Variants in CD207 observed in about 807,000 individuals in gnomAD.
The protein encoded by CD207 is C-type lectin domain family 4 member K.
In CD207, 28 loss-of-function variants were observed where a neutral mutation model predicts 31.6. The observed-to-expected ratio is 0.89, with a 90% CI of 0.66 to 1.21. CD207 has a LOEUF of 1.21. CD207 is among the 50% of genes most tolerant of loss of function. The probability of loss-of-function intolerance (pLI) is 0.00; values close to 1 mark genes in which losing one functional copy is unlikely to be tolerated. For missense variants in CD207, 388 were observed against 397.8 expected (o/e 0.98, Z 0.21); for synonymous variants, 168 against 153.9 (o/e 1.09, Z -0.68).
intron 2 of CD207, among the ~76,000 whole-genome samples, 176 bp from the exon 3 acceptor site, chr2:70,834,196 A>T (rs1312534261): frequency 6.6e-6 from 1 of 152,180 alleles, no homozygotes; most frequent in Non-Finnish European, 1.5e-5. Context: ...CAAACGTGCA[A>T]TGGGCACCTA....
intron 2 of CD207, 53 bp from the exon 3 acceptor site, chr2:70,834,073 T>TG: frequency 6.9e-7 from 1 of 1,439,564 alleles, no homozygotes. Context: ...GGGACAGGAG[T>TG]GGGGGTGTTG....
downstream of CD207, among the ~76,000 whole-genome samples, chr2:70,829,032 G>C (rs551550096): frequency 6.6e-6 from 1 of 152,182 alleles, no homozygotes; most frequent in East Asian, 1.9e-4. Context: ...GCCACGTGAC[G>C]GCCCCTCCAG....
At chr2:70,829,476 G>T (rs1677417338), downstream of CD207, among the ~76,000 whole-genome samples, 2 of 152,182 alleles carry the variant, frequency 1.3e-5, no homozygotes, top group Non-Finnish European at 2.9e-5. Context: ...GATGTGATTG[G>T]CTTGTTTGAA....
Position 70,833,685 on chromosome 2 carries a change from C to T in CD207, c.526G>A (p.Gly176Ser). 1 of 1,613,830 alleles carries T rather than the reference C, an allele frequency of 6.2e-7. No homozygotes were observed. The highest frequency in any genetic ancestry group is 1.3e-5 in the African/African-American group (1 of 75,036). Reference sequence around the variant, plus strand: ...AACTTGCTCATATTCTCCAAGCTGCCCTGGAGTGCCCGGATCTTTGTATTT... The same window carrying T: ...AACTTGCTCATATTCTCCAAGCTGCTCTGGAGTGCCCGGATCTTTGTATTT... ...ALNTKIRALQ[G>S]SLENMSKLLK... Residue 176 changes from glycine (G) to serine (S), a missense_variant, in exon 3 of 6, where the codon GGC becomes AGC. Gly to Ser is a moderately conservative substitution (Grantham distance 56). Coordinates refer to ENST00000410009, the MANE Select transcript of CD207 (RefSeq NM_015717.5).
chr2:70,832,937 T>C lies in CD207; in HGVS notation c.680A>G (p.Asn227Ser), dbSNP rs782163497. The part of the protein sequence containing the change: ...YSAEQFCVSR[N>S]SHLTSVTSES... ...TGAGGTCACCGAGGTCAGGTGTGAATTCCTGGACACACAGAACTGCTCGGC... is the reference window on the plus strand; with the variant it reads ...TGAGGTCACCGAGGTCAGGTGTGAACTCCTGGACACACAGAACTGCTCGGC... The change falls in exon 4 of 6, where the codon AAT (asparagine) becomes AGT (serine). Residue 227 changes from asparagine to serine, a missense_variant. By Grantham distance (46) the Asn-to-Ser change is conservative. Coordinates refer to ENST00000410009, the MANE Select transcript of CD207 (RefSeq NM_015717.5). The C allele has an allele frequency of 1.2e-6, 2 of 1,613,976 alleles. No individual in the cohort carries two copies. The highest frequency in any genetic ancestry group is 1.7e-6 in the Non-Finnish European group (2 of 1,179,862).
chr2:70,832,837 C>G, intron 4 of CD207, 63 bp downstream of exon 4: 1 of 1,475,590 alleles, frequency 6.8e-7, no homozygotes, highest in Non-Finnish European at 9.2e-7. Context: ...TATAATCTTG[C>G]CCATCCTCCC....
intron 2 of CD207, among the ~76,000 whole-genome samples, chr2:70,834,799 A>G (rs561243767): frequency 6.6e-5 from 10 of 152,116 alleles, no homozygotes; most frequent in Non-Finnish European, 1.2e-4. Context: ...GAGAAAAAAA[A>G]ACCCAACAGC....
intron 2 of CD207, among the ~76,000 whole-genome samples, chr2:70,834,613 T>A (rs1347537518): frequency 6.6e-6 from 1 of 152,174 alleles, no homozygotes; most frequent in African/African-American, 2.4e-5. Flanking sequence ...CACTTTCACA[T>A]TCTGCTCAGG....
At chr2:70,835,199 A>G (rs868995971) in intron 2 of CD207, among the ~76,000 whole-genome samples, 20 of 152,222 alleles carry the variant, frequency 1.3e-4, no homozygotes, top group African/African-American at 4.1e-4. Flanking sequence ...AGAAAATAGC[A>G]CAGGATGTAA....
chr2:70,824,603 T>A, the CD207 span, among the ~76,000 whole-genome samples: 1 of 113,102 alleles, frequency 8.8e-6, no homozygotes, highest in African/African-American at 3.6e-5. Flanking sequence ...TACCAGAAAG[T>A]AAGGAGATGC....
At chr2:70,832,283 C>A (rs1214761742) in intron 4 of CD207, among the ~76,000 whole-genome samples, 1 of 152,120 alleles carries the variant, frequency 6.6e-6, no homozygotes, top group Non-Finnish European at 1.5e-5. Context: ...GGGTATTCCA[C>A]CCAAGCTGCT....
chr2:70,835,352 A>C (rs1249037196), intron 2 of CD207, 139 bp downstream of exon 2: 2 of 689,064 alleles, frequency 2.9e-6, no homozygotes, highest in African/African-American at 1.8e-5. Context: ...GTTACTGCAC[A>C]TGGAAAGAGG....
At position 70,832,963 on chromosome 2, in the gene CD207, A is replaced by C; in HGVS notation, c.654T>G (p.Ser218Arg). Residue 218 changes from serine (S) to arginine (R), a missense_variant, in exon 4 of 6, where the codon AGT (serine) becomes AGG (arginine). Transcript: ENST00000410009. ...TCCTGGACACACAGAACTGCTCGGC[A>C]CTATACCAGGTCTTTGGAATGAGAG... ...YFSLIPKTWY[S>R]AEQFCVSRNS... 1 of 1,614,012 alleles carries C rather than the reference A, an allele frequency of 6.2e-7. No individual in the cohort carries two copies. Among genetic ancestry groups the C allele is most frequent in the Non-Finnish European group, 8.5e-7 (1 of 1,179,870 alleles).
In CD207 at chr2:70,835,692, G is replaced by C. The variant is rs569456111; in HGVS notation, c.73+12C>G. The C allele has an allele frequency of 3.7e-6, 6 of 1,613,150 alleles. No individual in the cohort carries two copies. In the African/African-American group the frequency reaches 8.0e-5, roughly 22 times the overall value. On this transcript the variant is annotated intron_variant, in intron 1 of 5. Transcript: ENST00000410009. Reference sequence around the variant, plus strand: ...GAACACGGAGCAGGTTCTCAGCAGCGATGTGGCTTGCCTCGGGGCCAGAGG... The same window carrying C: ...GAACACGGAGCAGGTTCTCAGCAGCCATGTGGCTTGCCTCGGGGCCAGAGG...
chr2:70,826,678 T>C (rs1332804704), downstream of CD207, among the ~76,000 whole-genome samples: 1 of 152,190 alleles, frequency 6.6e-6, no homozygotes, highest in Non-Finnish European at 1.5e-5. Context: ...CCTGCACTTT[T>C]CTGCAAGGAA....
Position 70,831,176 on chromosome 2 carries a change from G to A in CD207, c.861C>T (p.Asn287=), listed in dbSNP as rs781946380. ...SVRFWIPGEP[N]NAGNNEHCGN... ...CACAGTGTTCATTGTTCCCAGCATTGTTGGGCTCACCTGGAATCCAGAACC... is the reference window on the plus strand; with the variant it reads ...CACAGTGTTCATTGTTCCCAGCATTATTGGGCTCACCTGGAATCCAGAACC... The change falls in exon 6 of 6, where the codon AAC becomes AAT. Residue 287 remains asparagine (N), a synonymous_variant. Transcript: ENST00000410009. 9.2e-5 allele frequency: 148 copies of A among 1,613,788 alleles called. No individual in the cohort carries two copies. In the East Asian group the frequency reaches 1.6e-3, roughly 17 times the overall value.
chr2:70,829,469 G>A (rs1677417239), downstream of CD207, among the ~76,000 whole-genome samples: 1 of 152,230 alleles, frequency 6.6e-6, no homozygotes, highest in Non-Finnish European at 1.5e-5. Flanking sequence ...GTAGGAGGAT[G>A]TGATTGGCTT....
chr2:70,835,620 GAA>G lies in CD207; in HGVS notation c.74-15_74-14del. On this transcript the variant is annotated splice_polypyrimidine_tract_variant and intron_variant, in intron 1 of 5. Transcript: ENST00000410009. ...TTGGGAGGAGGCTCTGTTGGAAGAA[GAA>G]GAAAATGTGTGTTGAAGGAGCAGCA... 3 of 1,612,566 alleles carry G rather than the reference GAA, an allele frequency of 1.9e-6. No individual in the cohort carries two copies. The highest frequency in any genetic ancestry group is 2.5e-6 in the Non-Finnish European group (3 of 1,178,606).
chr2:70,827,651 C>T (rs1206060870), downstream of CD207, among the ~76,000 whole-genome samples: 1 of 152,148 alleles, frequency 6.6e-6, no homozygotes, highest in Non-Finnish European at 1.5e-5. Context: ...CGCACACACA[C>T]ACACACCCCA....
Sources: gnomAD v4.1 joint callset for allele counts (sites outside exome capture counted in the v4.1 genomes callset) on GRCh38, gnomAD v4.1.1 for gene constraint, MANE v1.5 for transcripts, NCBI Gene and HGNC (gene_info 2026-07-23, HGNC 2026-07-21) for gene names.